The following TEX36 variants were observed in gnomAD, a reference collection of about 807,000 sequenced individuals.
TEX36 encodes testis-expressed protein 36.
A neutral mutation model predicts 13.6 loss-of-function variants in TEX36; 12 were observed. The ratio of observed to expected loss-of-function variants is 0.88; its 90% CI spans 0.56 to 1.43. The LOEUF (loss-of-function observed/expected upper bound fraction) is 1.43, where lower values mean the gene tolerates loss of function less well. TEX36 is among the 40% of genes most tolerant of loss of function. The pLI is 0.00. For synonymous variants in TEX36, 93 were observed against 83.0 expected (o/e 1.12, Z -0.65); for missense variants, 224 against 228.3 (o/e 0.98, Z 0.12).
chr10:125,679,057 A>C (rs1401061004), intron 1 of TEX36, among the ~76,000 whole-genome samples: 1 of 151,576 alleles, frequency 6.6e-6, no homozygotes, highest in Non-Finnish European at 1.5e-5. Context: ...CTCATGCTCC[A>C]GTCCTGCCAG....
chr10:125,582,027 T>C (rs1845889645), intron 3 of TEX36, among the ~76,000 whole-genome samples: 1 of 152,188 alleles, frequency 6.6e-6, no homozygotes, highest in Non-Finnish European at 1.5e-5. Flanking sequence ...GCAGGGGCTC[T>C]CACCAGACCT....
At chr10:125,607,465 G>A (rs1002477085) in intron 3 of TEX36, among the ~76,000 whole-genome samples, 3 of 152,152 alleles carry the variant, frequency 2.0e-5, no homozygotes, top group African/African-American at 4.8e-5. Context: ...GTGTAAACAC[G>A]GTGATTCTCA....
chr10:125,662,225 G>A (rs1847056571), intron 1 of TEX36, among the ~76,000 whole-genome samples: 2 of 152,218 alleles, frequency 1.3e-5, no homozygotes, highest in Admixed American at 1.3e-4. Flanking sequence ...GCCTGGAAAT[G>A]TTTCCATAGC....
chr10:125,604,116 T>C (rs1261374803), intron 3 of TEX36, among the ~76,000 whole-genome samples: 1 of 152,030 alleles, frequency 6.6e-6, no homozygotes, highest in African/African-American at 2.4e-5. Flanking sequence ...ATGTTTCCCA[T>C]AAAATGTGAC....
intron 3 of TEX36, among the ~76,000 whole-genome samples, chr10:125,649,011 A>G (rs926798477): frequency 3.9e-5 from 6 of 152,248 alleles, no homozygotes; most frequent in Non-Finnish European, 8.8e-5. Flanking sequence ...CTATGTGAAA[A>G]GAACAAATCT....
intron 3 of TEX36, among the ~76,000 whole-genome samples, chr10:125,649,773 A>G (rs1175600858): frequency 1.3e-5 from 2 of 152,252 alleles, no homozygotes; most frequent in Non-Finnish European, 2.9e-5. Flanking sequence ...AGAAACATGC[A>G]TAGGCTCAAA....
At chr10:125,617,617 A>C (rs1329799187), downstream of TEX36, among the ~76,000 whole-genome samples, 2 of 152,200 alleles carry the variant, frequency 1.3e-5, no homozygotes, top group Admixed American at 6.5e-5. Context: ...TATTGGCCCC[A>C]ACTCTCTTCT....
chr10:125,644,462 T>C (rs1198242428), intron 3 of TEX36, among the ~76,000 whole-genome samples: 4 of 152,188 alleles, frequency 2.6e-5, no homozygotes, highest in African/African-American at 9.6e-5. Context: ...TGAAATACCC[T>C]ACCTAATTCC....
intron 3 of TEX36, among the ~76,000 whole-genome samples, chr10:125,648,882 C>G (rs1488010502): frequency 1.3e-5 from 2 of 151,994 alleles, no homozygotes; most frequent in Non-Finnish European, 2.9e-5. Flanking sequence ...GTAGCCGATT[C>G]GATCAACTGG....
At chr10:125,656,843 C>T (rs1022362883) in intron 3 of TEX36, among the ~76,000 whole-genome samples, 2 of 152,046 alleles carry the variant, frequency 1.3e-5, no homozygotes, top group Non-Finnish European at 2.9e-5. Context: ...GTTCCCTTCA[C>T]TCCCAACACC....
At chr10:125,601,883 G>A (rs11813947) in intron 3 of TEX36, among the ~76,000 whole-genome samples, 13,938 of 152,200 alleles carry the variant, frequency 0.092, 2,021 homozygotes, top group African/African-American at 0.31. Context: ...ATTGTGCACT[G>A]GGGTCCTCGC....
intron 3 of TEX36, among the ~76,000 whole-genome samples, chr10:125,612,747 AT>A (rs1846305939): frequency 1.3e-5 from 2 of 152,116 alleles, no homozygotes; most frequent in African/African-American, 4.8e-5. Context: ...TACAAAGTGC[AT>A]CTTTGATTTG....
At chr10:125,632,299 C>G (rs1344150608) in intron 3 of TEX36, among the ~76,000 whole-genome samples, 1 of 152,140 alleles carries the variant, frequency 6.6e-6, no homozygotes, top group African/African-American at 2.4e-5. Context: ...CAGCAGAAAC[C>G]AACCCTGGTT....
At chr10:125,598,284 G>A (rs897795927) in intron 3 of TEX36, among the ~76,000 whole-genome samples, 1 of 152,186 alleles carries the variant, frequency 6.6e-6, no homozygotes, top group Non-Finnish European at 1.5e-5. Flanking sequence ...GCTGTTATGT[G>A]TAAGCTCACC....
intron 3 of TEX36, among the ~76,000 whole-genome samples, chr10:125,610,481 G>T (rs1419082041): frequency 6.9e-6 from 1 of 145,766 alleles, no homozygotes; most frequent in Non-Finnish European, 1.5e-5. Context: ...ACCCAAACCT[G>T]CTGAATCGGA....
At chr10:125,626,016 G>A (rs551366355) in intron 3 of TEX36, among the ~76,000 whole-genome samples, 6 of 152,286 alleles carry the variant, frequency 3.9e-5, no homozygotes, top group African/African-American at 7.2e-5. Context: ...CAGGGACCAC[G>A]GCTGCAGAGA....
At chr10:125,682,645 A>G (rs1847414614) in intron 1 of TEX36, among the ~76,000 whole-genome samples, 1 of 152,224 alleles carries the variant, frequency 6.6e-6, no homozygotes, top group African/African-American at 2.4e-5. Context: ...GTTCTGTAGT[A>G]TGTTAGAAAA....
chr10:125,579,250 G>A (rs1845858494), intron 3 of TEX36, among the ~76,000 whole-genome samples: 1 of 152,210 alleles, frequency 6.6e-6, no homozygotes, highest in Admixed American at 6.5e-5. Context: ...TTATGGCTGA[G>A]AAGGCCTCAG....
intron 3 of TEX36, among the ~76,000 whole-genome samples, chr10:125,624,276 G>A (rs1017652646): frequency 2.6e-5 from 4 of 152,194 alleles, no homozygotes; most frequent in East Asian, 3.9e-4. Flanking sequence ...GAGAGACACC[G>A]ATGCTCATGT....
Sources: allele counts gnomAD v4.1 joint callset (sites outside exome capture counted in the v4.1 genomes callset), GRCh38; gene constraint gnomAD v4.1.1; transcripts MANE v1.5; gene names NCBI Gene and HGNC (gene_info 2026-07-23, HGNC 2026-07-21).